Variants in SARAF observed in about 807,000 individuals in gnomAD.
SARAF encodes the protein store-operated calcium entry-associated regulatory factor.
A neutral mutation model predicts 39.7 loss-of-function variants in SARAF; 23 were observed. The observed-to-expected ratio is 0.58, with a 90% CI of 0.42 to 0.82. The LOEUF (loss-of-function observed/expected upper bound fraction) is 0.82, where lower values mean the gene tolerates loss of function less well. Ranked by LOEUF, SARAF falls within the 40% of genes least tolerant of loss-of-function variation. SARAF has a pLI of 0.00. For synonymous variants in SARAF, 175 were observed against 168.5 expected, an observed-to-expected ratio of 1.04 and a Z score of -0.30; for missense variants, 384 against 418.5, an observed-to-expected ratio of 0.92 and a Z score of 0.72.
chr8:30,072,882 T>C (rs1025018929), intron 2 of SARAF, among the ~76,000 whole-genome samples: 1 of 152,240 alleles, frequency 6.6e-6, no homozygotes, highest in African/African-American at 2.4e-5. Flanking sequence ...GTGCCTGTCT[T>C]ACCTCTTCTA....
At chr8:30,072,914 T>C (rs1801878254) in intron 2 of SARAF, among the ~76,000 whole-genome samples, 1 of 152,238 alleles carries the variant, frequency 6.6e-6, no homozygotes, top group African/African-American at 2.4e-5. Context: ...GTTTCTTCAT[T>C]CTACCTTATT....
In SARAF at chr8:30,074,007, C is replaced by T. The variant is rs75227613; in HGVS notation, c.152G>A (p.Arg51His). 4.3e-6 allele frequency: 7 copies of T among 1,614,098 alleles called. No homozygotes were observed. The highest frequency in any genetic ancestry group is 2.2e-5 in the East Asian group (1 of 44,874). Residue 51 changes from arginine (R) to histidine (H), a missense_variant, in exon 2 of 6, where the codon CGC (arginine) becomes CAC (histidine). By Grantham distance (29) the Arg-to-His change is conservative. Coordinates refer to ENST00000256255, the MANE Select transcript of SARAF (RefSeq NM_016127.6). ...ATCCAGCCTGCGGGAGGTGGTATAGCGGTCATAGTGGAGGGTAAGAGCTTT... is the reference window on the plus strand; with the variant it reads ...ATCCAGCCTGCGGGAGGTGGTATAGTGGTCATAGTGGAGGGTAAGAGCTTT... ...DVKALTLHYD[R>H]YTTSRRLDPI... is the part of the protein sequence containing the mutation.
chr8:30,064,437 T>C (rs974191597), intron 5 of SARAF, among the ~76,000 whole-genome samples: 3 of 151,372 alleles, frequency 2.0e-5, no homozygotes, highest in Non-Finnish European at 4.4e-5. Flanking sequence ...TTTTCTTTCA[T>C]ATAATTCCCA....
rs545645932 is a variant in SARAF, at chr8:30,068,664, T to C, written c.700+978A>G. On this transcript the variant is annotated intron_variant, in intron 3 of 5. Transcript: ENST00000256255. ...GGGGACTGGTGAAGTAGATGTCTTC[T>C]CTTATTATAAAATGGGCATTCAAGT... is the stretch of plus-strand genomic sequence containing the variant. Among the ~76,000 whole-genome samples, 4 of 148,822 alleles carry C rather than the reference T, an allele frequency of 2.7e-5. No individual in the cohort carries two copies. In the South Asian group the frequency reaches 8.6e-4, roughly 32 times the overall value.
chr8:30,063,149 CAAT>C lies in SARAF; in HGVS notation c.*736_*738del, dbSNP rs1563349111. 1 of 152,156 alleles carries C rather than the reference CAAT, an allele frequency of 6.6e-6. No homozygotes were observed. Among genetic ancestry groups the C allele is most frequent in the African/African-American group, 2.4e-5 (1 of 41,414 alleles). 9.4% of individuals were successfully genotyped at this position (152,156 alleles called of 1,614,324 possible). ...TTAAGATTGAAACAGACTATTACAA[CAAT>C]ATTTGAGATTTCACAGAGAACTGCA... On this transcript the variant is annotated 3_prime_UTR_variant, in exon 6 of 6. Coordinates refer to ENST00000256255, the MANE Select transcript of SARAF (RefSeq NM_016127.6).
rs753872131 is a variant in SARAF at position 30,066,150 on chromosome 8, A to T, written c.843-11T>A. ...AAGGGTGTTGCCGCTCTTTAAAGGG[A>T]TAAAAGTAGGTTAGGCATTTTTTTC... On this transcript the variant is annotated splice_polypyrimidine_tract_variant and intron_variant, in intron 4 of 5. Transcript: ENST00000256255. 2 of 1,569,360 alleles carry T rather than the reference A, an allele frequency of 1.3e-6. No individual in the cohort carries two copies. The highest frequency in any genetic ancestry group is 1.7e-6 in the Non-Finnish European group (2 of 1,148,222).
chr8:30,074,454 A>C (rs1801913382), intron 1 of SARAF, among the ~76,000 whole-genome samples: 1 of 152,242 alleles, frequency 6.6e-6, no homozygotes, highest in Non-Finnish European at 1.5e-5. Context: ...TGAAGAAATT[A>C]ACACATTCTG....
intron 2 of SARAF, among the ~76,000 whole-genome samples, chr8:30,071,979 G>C (rs1801858532): frequency 6.6e-6 from 1 of 152,134 alleles, no homozygotes; most frequent in Non-Finnish European, 1.5e-5. Flanking sequence ...CCTTGGAGTG[G>C]AATGACTGAG....
At position 30,063,621 on chromosome 8, in the gene SARAF, A is replaced by G; in HGVS notation, c.*267T>C. ...CATCACAGGTTTTAGAAATTAATGT[A>G]TTTTTAGCATTCCACAGTAATGATC... On this transcript the variant is annotated 3_prime_UTR_variant, in exon 6 of 6. Coordinates refer to ENST00000256255, the MANE Select transcript of SARAF (RefSeq NM_016127.6). 2.0e-6 allele frequency: 1 copy of G among 492,720 alleles called. No homozygotes were observed. Among genetic ancestry groups the G allele is most frequent in the Non-Finnish European group, 3.6e-6 (1 of 278,456 alleles). The allele number at this position is 492,720 out of a possible 1,614,324, so 30.5% of individuals were successfully genotyped here. A position where few individuals can be genotyped will look rare whatever the true frequency, so the allele number is the denominator to read the frequency against.
At chr8:30,067,671 T>C (rs1563351696) in intron 3 of SARAF, among the ~76,000 whole-genome samples, 2 of 152,248 alleles carry the variant, frequency 1.3e-5, no homozygotes, top group African/African-American at 4.8e-5. Flanking sequence ...CACATCATTA[T>C]GTCTATGGGA....
At chr8:30,072,097 G>C (rs1032392099) in intron 2 of SARAF, among the ~76,000 whole-genome samples, 3 of 152,098 alleles carry the variant, frequency 2.0e-5, no homozygotes, top group East Asian at 1.9e-4. Flanking sequence ...CCAATTTCTC[G>C]ACATCCTCAC....
At chr8:30,068,931 A>C (rs1338846709) in intron 3 of SARAF, among the ~76,000 whole-genome samples, 1 of 152,026 alleles carries the variant, frequency 6.6e-6, no homozygotes, top group Non-Finnish European at 1.5e-5. Flanking sequence ...TCTGTTTAAG[A>C]AATCTTTCCC....
chr8:30,079,158 CAAAAAAAA>C (rs60893961), intron 1 of SARAF, among the ~76,000 whole-genome samples: 1 of 54,682 alleles, frequency 1.8e-5, no homozygotes, highest in Non-Finnish European at 4.1e-5. Context: ...AACTCCATCT[CAAAAAAAA>C]AAAAAAAAAA....
rs868513580 is a variant in SARAF, at chr8:30,076,012, C to T, written c.104-1957G>A. Among the ~76,000 whole-genome samples, 267 of 94,044 alleles carry T rather than the reference C, an allele frequency of 2.8e-3. 16 individuals carry two copies. The highest frequency in any genetic ancestry group is 0.016 in the South Asian group (43 of 2,764). The allele number at this position is 94,044 out of a possible 152,430, so 61.7% of individuals were successfully genotyped here. Reference sequence around the variant, plus strand: ...AAAACAAAAAAAAAAAAACAAAAAACGGGAAATGGCAGCTCTGGAATGGGA... The same window carrying T: ...AAAACAAAAAAAAAAAAACAAAAAATGGGAAATGGCAGCTCTGGAATGGGA... On this transcript the variant is annotated intron_variant, in intron 1 of 5. Transcript: ENST00000256255.
intron 1 of SARAF, among the ~76,000 whole-genome samples, chr8:30,080,999 C>G (rs967186197): frequency 6.6e-6 from 1 of 152,056 alleles, no homozygotes; most frequent in Non-Finnish European, 1.5e-5. Flanking sequence ...ATTTGCCGGG[C>G]ATGGTGGCAC....
intron 1 of SARAF, among the ~76,000 whole-genome samples, chr8:30,081,651 C>T (rs1420325940): frequency 6.6e-6 from 1 of 152,062 alleles, no homozygotes; most frequent in Admixed American, 6.6e-5. Flanking sequence ...ACAATGCAGG[C>T]ATTTCCAATC....
chr8:30,067,982 ACT>A (rs753728849), intron 3 of SARAF, among the ~76,000 whole-genome samples: 3 of 151,948 alleles, frequency 2.0e-5, no homozygotes, highest in Admixed American at 1.3e-4. Context: ...CATACTTGGT[ACT>A]CTGTCTTTTT....
At position 30,065,895 on chromosome 8, in the gene SARAF, A is replaced by G. The variant is rs750781660; in HGVS notation, c.994+93T>C. ...TTTGGTAGGTACACCAAATAAAACC[A>G]TGGTTGCTAAACAGATAATCATCTT... is the stretch of plus-strand genomic sequence containing the variant. On this transcript the variant is annotated intron_variant, in intron 5 of 5. Transcript: ENST00000256255. 17 of 1,456,376 alleles carry G rather than the reference A, an allele frequency of 1.2e-5. No individual in the cohort carries two copies. The East Asian group carries it at 2.5e-4, about 21-fold the overall frequency. 90.2% of individuals were successfully genotyped at this position (1,456,376 alleles called of 1,614,324 possible).
At chr8:30,073,785 A>C in intron 2 of SARAF, 92 bp downstream of exon 2, 27 of 1,055,384 alleles carry the variant, frequency 2.6e-5, no homozygotes, top group Non-Finnish European at 3.7e-5. Context: ...AGATTTCCGT[A>C]GGTGCACCCT....
Sources: gnomAD v4.1 joint callset for allele counts (sites outside exome capture counted in the v4.1 genomes callset) on GRCh38, gnomAD v4.1.1 for gene constraint, MANE v1.5 for transcripts, NCBI Gene and HGNC (gene_info 2026-07-23, HGNC 2026-07-21) for gene names.